AUTS2: variants seen among roughly 807,000 people sequenced by gnomAD.
AUTS2 encodes activator of transcription and developmental regulator AUTS2.
A neutral mutation model predicts 112.4 loss-of-function variants in AUTS2; 17 were observed. The ratio of observed to expected loss-of-function variants is 0.15; its 90% CI spans 0.10 to 0.23. The LOEUF (loss-of-function observed/expected upper bound fraction) is 0.23, where lower values mean the gene tolerates loss of function less well. Ranked by LOEUF, AUTS2 falls within the 10% of genes least tolerant of loss-of-function variation. The pLI, the probability that AUTS2 is intolerant of heterozygous loss-of-function variation, is 1.00. For missense variants in AUTS2, 1,510 were observed against 1,701.6 expected (o/e 0.89, Z 1.98); for synonymous variants, 751 against 702.7 (o/e 1.07, Z -1.09).
chr7:69,763,710 G>A (rs1428756198), intron 1 of AUTS2, among the ~76,000 whole-genome samples: 2 of 152,170 alleles, frequency 1.3e-5, no homozygotes, highest in Non-Finnish European at 2.9e-5. Flanking sequence ...ACTTCATAGG[G>A]TGTTAGTGAT....
At chr7:69,757,862 T>C (rs1434937243) in intron 1 of AUTS2, among the ~76,000 whole-genome samples, 1 of 152,222 alleles carries the variant, frequency 6.6e-6, no homozygotes, top group African/African-American at 2.4e-5. Flanking sequence ...CAAAAAAAGA[T>C]ACATGCTTCC....
intron 4 of AUTS2, among the ~76,000 whole-genome samples, chr7:70,159,431 A>G (rs778272593): frequency 6.6e-6 from 1 of 152,232 alleles, no homozygotes; most frequent in Non-Finnish European, 1.5e-5. Context: ...GAATTTCAAA[A>G]GAAACTTCAG....
chr7:70,321,701 A>C (rs1402303500), intron 4 of AUTS2, among the ~76,000 whole-genome samples: 1 of 152,202 alleles, frequency 6.6e-6, no homozygotes, highest in South Asian at 2.1e-4. Context: ...TGACCAGATA[A>C]ATATGCAGAT....
rs150109637 is a variant in AUTS2 at position 69,710,181 on chromosome 7, CT to C, written c.309+110222del. On this transcript the variant is annotated intron_variant, in intron 1 of 18. Coordinates refer to ENST00000342771, the MANE Select transcript of AUTS2 (RefSeq NM_015570.4). ...ATTTTAAAATTATCTCTTGTATATA[CT>C]TTACTTGTGTGCAGCTTGCAACTGA... is the stretch of plus-strand genomic sequence containing the variant. Among the ~76,000 whole-genome samples the C allele has an allele frequency of 4.6e-3, 706 of 152,222 alleles. 2 individuals are homozygous for C. Among genetic ancestry groups the C allele is most frequent in the African/African-American group, 0.016 (680 of 41,528 alleles).
intron 5 of AUTS2, among the ~76,000 whole-genome samples, chr7:70,627,231 T>A (rs896887715): frequency 6.6e-6 from 1 of 152,228 alleles, no homozygotes; most frequent in African/African-American, 2.4e-5. Flanking sequence ...GATAGCGTAT[T>A]GTGATTTTGA....
At chr7:70,753,733 G>A (rs572994904) in intron 6 of AUTS2, among the ~76,000 whole-genome samples, 4 of 152,318 alleles carry the variant, frequency 2.6e-5, no homozygotes, top group East Asian at 3.9e-4. Flanking sequence ...ACTTAGCAGG[G>A]GGAATTTAAA....
At chr7:70,096,125 A>C (rs1373830030) in intron 2 of AUTS2, among the ~76,000 whole-genome samples, 1 of 152,190 alleles carries the variant, frequency 6.6e-6, no homozygotes, top group Non-Finnish European at 1.5e-5. Context: ...CAAAATGGGA[A>C]TAGTTGTACT....
intron 6 of AUTS2, among the ~76,000 whole-genome samples, chr7:70,717,743 G>T (rs554452879): frequency 6.6e-6 from 1 of 152,274 alleles, no homozygotes; most frequent in Non-Finnish European, 1.5e-5. Flanking sequence ...CTTTGGCTCT[G>T]GGTGCCAGTC....
chr7:70,752,060 C>CG (rs11398153), intron 6 of AUTS2, among the ~76,000 whole-genome samples: 45,813 of 151,648 alleles, frequency 0.3, 7,456 homozygotes, highest in African/African-American at 0.44. Flanking sequence ...TGTGCTTGGG[C>CG]TGTGTATGTG....
intron 5 of AUTS2, among the ~76,000 whole-genome samples, chr7:70,458,133 C>T (rs1258589725): frequency 6.6e-6 from 1 of 152,196 alleles, no homozygotes; most frequent in Admixed American, 6.5e-5. Flanking sequence ...ACCCCTCCTT[C>T]TAGAAGGAGC....
chr7:70,127,321 A>G (rs1806029695), intron 3 of AUTS2, among the ~76,000 whole-genome samples: 2 of 151,866 alleles, frequency 1.3e-5, no homozygotes, highest in African/African-American at 4.8e-5. Flanking sequence ...TTTAGTAGAA[A>G]TGGGGTTTCG....
chr7:70,306,642 G>A (rs1187127655), intron 4 of AUTS2, among the ~76,000 whole-genome samples: 2 of 152,116 alleles, frequency 1.3e-5, no homozygotes, highest in African/African-American at 4.8e-5. Context: ...AACAAACACT[G>A]GGCAGTATGA....
chr7:70,783,919 A>G (rs1228677943), intron 15 of AUTS2: 1 of 152,208 alleles, frequency 6.6e-6, no homozygotes, highest in Admixed American at 6.5e-5. Context: ...TCACATTTGC[A>G]CACTCTCTTT....
At chr7:69,726,323 T>G (rs754296657) in intron 1 of AUTS2, among the ~76,000 whole-genome samples, 7 of 152,232 alleles carry the variant, frequency 4.6e-5, no homozygotes, top group African/African-American at 1.7e-4. Flanking sequence ...GTTTGCCTTC[T>G]TCTGTTAACA....
intron 1 of AUTS2, among the ~76,000 whole-genome samples, chr7:69,858,050 G>A (rs1044247485): frequency 2.0e-5 from 3 of 152,092 alleles, no homozygotes; most frequent in Non-Finnish European, 2.9e-5. Flanking sequence ...CTGATGAGCC[G>A]TGCTCTGCTG....
intron 1 of AUTS2, among the ~76,000 whole-genome samples, chr7:69,897,482 G>T (rs773787312): frequency 6.6e-6 from 1 of 151,114 alleles, no homozygotes; most frequent in African/African-American, 2.4e-5. Context: ...CTTTATAAGG[G>T]CACTAATCCC....
chr7:69,882,873 A>AC (rs1224222518), intron 1 of AUTS2, among the ~76,000 whole-genome samples: 2 of 152,164 alleles, frequency 1.3e-5, no homozygotes, highest in African/African-American at 4.8e-5. Flanking sequence ...GCCAAATGTA[A>AC]CCTTTTAGAA....
intron 5 of AUTS2, among the ~76,000 whole-genome samples, chr7:70,552,707 T>C (rs1462483071): frequency 3.3e-5 from 5 of 152,182 alleles, no homozygotes; most frequent in Non-Finnish European, 5.9e-5. Context: ...TTTGATCAGT[T>C]ACATTTTTCC....
At chr7:69,767,959 A>G (rs1263442408) in intron 1 of AUTS2, among the ~76,000 whole-genome samples, 1 of 152,196 alleles carries the variant, frequency 6.6e-6, no homozygotes, top group Non-Finnish European at 1.5e-5. Context: ...GGTTATTGTC[A>G]TCACTGAACC....
Sources: allele counts gnomAD v4.1 joint callset (sites outside exome capture counted in the v4.1 genomes callset), GRCh38; gene constraint gnomAD v4.1.1; transcripts MANE v1.5; gene names NCBI Gene and HGNC (gene_info 2026-07-23, HGNC 2026-07-21).